Variants in XIRP2 observed in about 807,000 individuals in gnomAD.
XIRP2 encodes the protein xin actin binding repeat containing 2, also known as xin actin-binding repeat-containing protein 2.
XIRP2 carries 236 observed loss-of-function variants against 277.0 expected under a neutral mutation model. The ratio of observed to expected loss-of-function variants is 0.85; its 90% CI spans 0.77 to 0.95. The LOEUF is 0.95. XIRP2 is among the 40% of genes least tolerant of loss of function. The pLI is 0.00. For missense variants in XIRP2, 4,640 were observed against 4,157.5 expected (o/e 1.12, Z -3.19); for synonymous variants, 1,490 against 1,416.5 (o/e 1.05, Z -1.17).
chr2:167,098,469 G>A (rs1239333196), intron 2 of XIRP2, among the ~76,000 whole-genome samples: 2 of 152,130 alleles, frequency 1.3e-5, no homozygotes, highest in African/African-American at 4.8e-5. Flanking sequence ...CAAGGCGTTA[G>A]CTTCCTTGCA....
At chr2:167,011,598 G>A (rs1013660476) in intron 2 of XIRP2, among the ~76,000 whole-genome samples, 5 of 152,002 alleles carry the variant, frequency 3.3e-5, no homozygotes, top group African/African-American at 1.2e-4. Flanking sequence ...ACATGAGTTA[G>A]GGAGGATTCC....
At chr2:166,911,359 A>G (rs1010763492) in intron 2 of XIRP2, among the ~76,000 whole-genome samples, 3 of 152,158 alleles carry the variant, frequency 2.0e-5, no homozygotes, top group East Asian at 1.9e-4. Flanking sequence ...TCCCTTTACC[A>G]TTACGTAATG....
Position 167,247,343 on chromosome 2 carries a change from T to C in XIRP2, c.5951T>C (p.Phe1984Ser), listed in dbSNP as rs1192790779. The C allele has an allele frequency of 2.5e-6, 4 of 1,613,688 alleles. No homozygotes were observed. The highest frequency in any genetic ancestry group is 3.4e-6 in the Non-Finnish European group (4 of 1,179,804). ...CTTCTTCAGCCAAAGCCAGGTCCAT[T>C]TGAGCCAGCGGCCAAGTGGCAAGGG... The part of the protein sequence containing the change: ...NSLLQPKPGP[F>S]EPAAKWQGGA... Residue 1984 changes from phenylalanine to serine, a missense_variant, in exon 9 of 11, where the codon TTT becomes TCT. Physicochemically the swap from Phe to Ser is radical, Grantham distance 155 (BLOSUM62 -2). Transcript: ENST00000409195.
intron 3 of XIRP2, chr2:167,187,680 T>A (rs1302572581): frequency 2.3e-6 from 1 of 443,922 alleles, no homozygotes; most frequent in Admixed American, 6.4e-5. Context: ...ATGATAATAT[T>A]TAGCATTGAT....
At chr2:166,957,144 G>C (rs1171495407) in intron 2 of XIRP2, among the ~76,000 whole-genome samples, 1 of 151,454 alleles carries the variant, frequency 6.6e-6, no homozygotes, top group Non-Finnish European at 1.5e-5. Context: ...ATTTGTTGTT[G>C]ATTTTTCTCT....
intron 1 of XIRP2, chr2:166,889,750 G>A (rs1158400589): frequency 2.0e-5 from 3 of 151,542 alleles, no homozygotes; most frequent in Non-Finnish European, 4.4e-5. Flanking sequence ...GGTTCTTGAT[G>A]TTGATGAGTC....
chr2:166,934,444 A>C (rs1258872136), intron 2 of XIRP2, among the ~76,000 whole-genome samples: 1 of 152,180 alleles, frequency 6.6e-6, no homozygotes. Flanking sequence ...TGAGCCTCTG[A>C]TAAGAATGCA....
chr2:167,170,038 G>T (rs1692638587), intron 3 of XIRP2, among the ~76,000 whole-genome samples: 1 of 152,092 alleles, frequency 6.6e-6, no homozygotes, highest in African/African-American at 2.4e-5. Flanking sequence ...TAGCTGTAAG[G>T]AATTTTGTAC....
In XIRP2 at chr2:167,244,278, A is replaced by G. The variant is rs747324204; in HGVS notation, c.2886A>G (p.Ala962=). The part of the protein sequence containing the change: ...FESNNLIKFD[A]SHKIEVEGVT... ...CAAACAATTTAATTAAATTTGATGC[A>G]TCACATAAAATAGAGGTGGAAGGAG... is the stretch of plus-strand genomic sequence containing the variant. The change falls in exon 9 of 11, where the codon GCA becomes GCG. Residue 962 remains alanine, a synonymous_variant. Coordinates refer to ENST00000409195, the MANE Select transcript of XIRP2 (RefSeq NM_152381.6). 4.3e-6 allele frequency: 7 copies of G among 1,613,848 alleles called. No individual in the cohort carries two copies. Among genetic ancestry groups the G allele is most frequent in the South Asian group, 1.1e-5 (1 of 91,038 alleles).
intron 3 of XIRP2, among the ~76,000 whole-genome samples, chr2:167,176,283 C>T (rs917347139): frequency 2.6e-5 from 4 of 151,762 alleles, no homozygotes; most frequent in Admixed American, 2.6e-4. Flanking sequence ...CTTACACTTC[C>T]CACGTGAGGC....
intron 2 of XIRP2, among the ~76,000 whole-genome samples, chr2:166,932,812 C>T (rs1279377026): frequency 1.3e-5 from 2 of 152,150 alleles, no homozygotes; most frequent in South Asian, 2.1e-4. Context: ...CCCTGACATA[C>T]ACTGCATTGC....
chr2:167,123,023 G>A (rs1214970279), intron 2 of XIRP2, among the ~76,000 whole-genome samples: 1 of 152,084 alleles, frequency 6.6e-6, no homozygotes, highest in African/African-American at 2.4e-5. Context: ...AAAATTGACT[G>A]GAATGCAGGC....
intron 3 of XIRP2, among the ~76,000 whole-genome samples, chr2:167,182,616 T>A (rs1203438364): frequency 6.6e-6 from 1 of 152,170 alleles, no homozygotes; most frequent in African/African-American, 2.4e-5. Flanking sequence ...TGAATTCAAT[T>A]CCCACTTTTG....
At chr2:166,918,381 T>G (rs990638110) in intron 2 of XIRP2, among the ~76,000 whole-genome samples, 13 of 152,092 alleles carry the variant, frequency 8.5e-5, no homozygotes, top group African/African-American at 2.9e-4. Context: ...CTTCTAAAGG[T>G]AATGTTTTCT....
intron 2 of XIRP2, among the ~76,000 whole-genome samples, chr2:167,069,322 G>A (rs1380595333): frequency 1.3e-5 from 2 of 152,132 alleles, no homozygotes; most frequent in African/African-American, 2.4e-5. Flanking sequence ...CATGTGTACT[G>A]AGGGCCATGT....
At chr2:166,939,949 A>C (rs1439882898) in intron 2 of XIRP2, among the ~76,000 whole-genome samples, 1 of 152,014 alleles carries the variant, frequency 6.6e-6, no homozygotes, top group Admixed American at 6.6e-5. Context: ...CTTGAGGAGA[A>C]TCTTTGTGGT....
chr2:166,900,807 A>C (rs2105333987), intron 1 of XIRP2, among the ~76,000 whole-genome samples: 1 of 152,192 alleles, frequency 6.6e-6, no homozygotes, highest in East Asian at 1.9e-4. Flanking sequence ...AGAAAGTTCT[A>C]GTTACCAGCT....
At chr2:167,024,075 T>G (rs1177700488) in intron 2 of XIRP2, among the ~76,000 whole-genome samples, 1 of 151,798 alleles carries the variant, frequency 6.6e-6, no homozygotes, top group African/African-American at 2.4e-5. Flanking sequence ...ATATTGATTC[T>G]TCCTACCCAT....
intron 2 of XIRP2, among the ~76,000 whole-genome samples, chr2:167,120,802 A>G (rs1024140604): frequency 4.6e-5 from 7 of 152,168 alleles, no homozygotes; most frequent in Non-Finnish European, 7.4e-5. Flanking sequence ...TTGCCCAAAT[A>G]TTTAATTTTG....
Sources: gnomAD v4.1 joint callset for allele counts (sites outside exome capture counted in the v4.1 genomes callset) on GRCh38, gnomAD v4.1.1 for gene constraint, MANE v1.5 for transcripts, NCBI Gene and HGNC (gene_info 2026-07-23, HGNC 2026-07-21) for gene names.